The following BTBD9 variants were observed in gnomAD, a reference collection of about 807,000 sequenced individuals.
BTBD9 encodes the protein BTB/POZ domain-containing protein 9.
Under a neutral mutation model 64.3 loss-of-function variants are expected in BTBD9, and 49 were observed. That is an observed-to-expected ratio of 0.76 (90% CI 0.61 to 0.97). The LOEUF (loss-of-function observed/expected upper bound fraction) is 0.97. Ranked by LOEUF, BTBD9 falls within the 50% of genes least tolerant of loss-of-function variation. BTBD9 has a pLI of 0.00. For missense variants in BTBD9, 598 were observed against 762.1 expected, an observed-to-expected ratio of 0.78 and a Z score of 2.53; for synonymous variants, 260 against 274.7, an observed-to-expected ratio of 0.95 and a Z score of 0.53.
chr6:38,549,219 G>A (rs765246018), intron 6 of BTBD9, among the ~76,000 whole-genome samples: 4 of 152,182 alleles, frequency 2.6e-5, no homozygotes, highest in Non-Finnish European at 5.9e-5. Context: ...AAAACATGAT[G>A]CTAAATCCCA....
intron 5 of BTBD9, among the ~76,000 whole-genome samples, chr6:38,578,386 T>C (rs1352226224): frequency 6.6e-6 from 1 of 152,222 alleles, no homozygotes; most frequent in African/African-American, 2.4e-5. Flanking sequence ...CCTAGTCAGC[T>C]ACTCCGAACC....
At chr6:38,440,494 A>C (rs1266123137) in intron 6 of BTBD9, among the ~76,000 whole-genome samples, 1 of 152,218 alleles carries the variant, frequency 6.6e-6, no homozygotes. Context: ...CGGCAGTTTG[A>C]GGGTGTAAGA....
At chr6:38,446,057 C>A (rs1336718082) in intron 6 of BTBD9, among the ~76,000 whole-genome samples, 1 of 152,168 alleles carries the variant, frequency 6.6e-6, no homozygotes, top group Non-Finnish European at 1.5e-5. Flanking sequence ...GAGGAAAGTT[C>A]TCACTGAACC....
At chr6:38,326,977 C>T (rs752961321) in intron 7 of BTBD9, among the ~76,000 whole-genome samples, 11 of 152,144 alleles carry the variant, frequency 7.2e-5, no homozygotes, top group Non-Finnish European at 1.2e-4. Flanking sequence ...CTTTTACATT[C>T]GGCTTTATTA....
chr6:38,524,347 T>C (rs1170081781), intron 6 of BTBD9, among the ~76,000 whole-genome samples: 12 of 152,096 alleles, frequency 7.9e-5, no homozygotes, highest in Non-Finnish European at 1.3e-4. Context: ...ATGTAAGACA[T>C]ACTGAAAAAT....
chr6:38,449,794 C>G (rs897195489), intron 6 of BTBD9, among the ~76,000 whole-genome samples: 3 of 151,826 alleles, frequency 2.0e-5, no homozygotes, highest in African/African-American at 7.3e-5. Context: ...TGGATTGAAG[C>G]CTTAGATGTA....
At chr6:38,442,381 G>A (rs1769073249) in intron 6 of BTBD9, among the ~76,000 whole-genome samples, 1 of 151,974 alleles carries the variant, frequency 6.6e-6, no homozygotes, top group Admixed American at 6.6e-5. Flanking sequence ...AGCCTACTCG[G>A]GAGGCTTGAA....
At chr6:38,348,195 T>C (rs1764363349) in intron 6 of BTBD9, among the ~76,000 whole-genome samples, 3 of 152,132 alleles carry the variant, frequency 2.0e-5, no homozygotes, top group African/African-American at 7.2e-5. Flanking sequence ...ATCCAAGGGA[T>C]AGGAATGGGA....
intron 6 of BTBD9, among the ~76,000 whole-genome samples, chr6:38,462,321 A>C (rs889988778): frequency 1.7e-4 from 26 of 152,196 alleles, no homozygotes; most frequent in Middle Eastern, 3.2e-3. Flanking sequence ...TCGATAATCC[A>C]GTTGGGGTCA....
chr6:38,321,362 G>T (rs1347683792), intron 7 of BTBD9, among the ~76,000 whole-genome samples: 2 of 152,168 alleles, frequency 1.3e-5, no homozygotes, highest in African/African-American at 4.8e-5. Flanking sequence ...TATTTAGATG[G>T]TCTTCAAATG....
intron 7 of BTBD9, among the ~76,000 whole-genome samples, chr6:38,324,127 T>C (rs1338399997): frequency 2.6e-5 from 4 of 152,150 alleles, no homozygotes; most frequent in Admixed American, 1.3e-4. Context: ...GAACTTTGTG[T>C]AACACTTAGT....
At chr6:38,625,437 G>T (rs938359634) in intron 1 of BTBD9, among the ~76,000 whole-genome samples, 2 of 152,268 alleles carry the variant, frequency 1.3e-5, no homozygotes, top group South Asian at 4.1e-4. Context: ...TTGATGGAGA[G>T]CCTGTCACCA....
chr6:38,423,266 C>G (rs527695383), intron 6 of BTBD9, among the ~76,000 whole-genome samples: 6 of 151,796 alleles, frequency 4.0e-5, no homozygotes, highest in African/African-American at 1.2e-4. Context: ...CTCTGTCCCC[C>G]CCAAAAAATA....
At chr6:38,529,120 A>G (rs1188659982) in intron 6 of BTBD9, among the ~76,000 whole-genome samples, 1 of 151,994 alleles carries the variant, frequency 6.6e-6, no homozygotes, top group African/African-American at 2.4e-5. Flanking sequence ...AGCCCTTGGG[A>G]CTTGAATGAA....
intron 6 of BTBD9, among the ~76,000 whole-genome samples, chr6:38,382,930 C>T (rs181883761): frequency 1.3e-5 from 2 of 152,094 alleles, no homozygotes; most frequent in East Asian, 1.9e-4. Flanking sequence ...CCCACAAGGC[C>T]CAGAAAGTTT....
intron 6 of BTBD9, among the ~76,000 whole-genome samples, chr6:38,356,806 C>G (rs1764744316): frequency 6.6e-6 from 1 of 152,184 alleles, no homozygotes; most frequent in Admixed American, 6.5e-5. Flanking sequence ...GCTCTTCCCT[C>G]TCAAGATGAT....
At chr6:38,495,703 G>C (rs1247907982) in intron 6 of BTBD9, among the ~76,000 whole-genome samples, 1 of 137,592 alleles carries the variant, frequency 7.3e-6, no homozygotes, top group Non-Finnish European at 1.5e-5. Context: ...AGTGAGGCTG[G>C]CTTCCTCTTA....
At chr6:38,369,538 G>A (rs971817109) in intron 6 of BTBD9, among the ~76,000 whole-genome samples, 1 of 152,160 alleles carries the variant, frequency 6.6e-6, no homozygotes, top group Non-Finnish European at 1.5e-5. Context: ...AACAACTTCA[G>A]CACCTTTTCT....
chr6:38,169,853 G>A lies in BTBD9; in HGVS notation c.*5132C>T, dbSNP rs1164806750. The A allele has an allele frequency of 6.7e-6, 1 of 149,886 alleles. No individual in the cohort carries two copies. 9.3% of individuals were successfully genotyped at this position (149,886 alleles called of 1,614,324 possible). A position where few individuals can be genotyped will look rare whatever the true frequency, so the allele number is the denominator to read the frequency against. On this transcript the variant is annotated 3_prime_UTR_variant, in exon 11 of 11. Coordinates refer to ENST00000481247, the MANE Select transcript of BTBD9 (RefSeq NM_001099272.2). Reference sequence around the variant, plus strand: ...TATCATAAATTACAGGTGGATGATTGTGAGTCTTCAGGCCATGAGGCCTCT... The same window carrying A: ...TATCATAAATTACAGGTGGATGATTATGAGTCTTCAGGCCATGAGGCCTCT...
Sources: allele counts gnomAD v4.1 joint callset (sites outside exome capture counted in the v4.1 genomes callset), GRCh38; gene constraint gnomAD v4.1.1; transcripts MANE v1.5; gene names NCBI Gene and HGNC (gene_info 2026-07-23, HGNC 2026-07-21).